The following PEMT variants were observed in gnomAD, a reference collection of about 807,000 sequenced individuals.
PEMT encodes the protein phosphatidylethanolamine N-methyltransferase.
A neutral mutation model predicts 27.4 loss-of-function variants in PEMT; 23 were observed. The ratio of observed to expected loss-of-function variants is 0.84; its 90% CI spans 0.60 to 1.19. The LOEUF (loss-of-function observed/expected upper bound fraction) is 1.19. Among genes scored for constraint, PEMT ranks in the 50% most tolerant of loss-of-function variants. The pLI is 0.00. For synonymous variants in PEMT, 137 were observed against 139.1 expected, an observed-to-expected ratio of 0.98 and a Z score of 0.11; for missense variants, 307 against 310.1, an observed-to-expected ratio of 0.99 and a Z score of 0.07.
chr17:17,562,732 C>T (rs937742422), intron 2 of PEMT, among the ~76,000 whole-genome samples: 7 of 152,134 alleles, frequency 4.6e-5, no homozygotes, highest in Non-Finnish European at 1.0e-4. Context: ...TTTCTTGAAC[C>T]TGGGAGGCAG....
In PEMT at chr17:17,558,697, AAAC is replaced by A. The variant is rs573889693; in HGVS notation, c.204+18220_204+18222del. Among the ~76,000 whole-genome samples the A allele has an allele frequency of 2.3e-3, 293 of 125,588 alleles. 10 individuals carry two copies. The highest frequency in any genetic ancestry group is 0.015 in the South Asian group (65 of 4,272). 82.4% of individuals were successfully genotyped at this position (125,588 alleles called of 152,430 possible). On this transcript the variant is annotated intron_variant, in intron 2 of 6. Transcript: ENST00000255389. ...CCAGTCTCACGAAAAAAAAAAAAAA[AAAC>A]AAAAAGAAAGGGCAGCAGAGTGGAC...
intron 1 of PEMT, among the ~76,000 whole-genome samples, chr17:17,588,641 GAA>G (rs1465021547): frequency 6.6e-6 from 1 of 152,202 alleles, no homozygotes; most frequent in Non-Finnish European, 1.5e-5. Flanking sequence ...ATTCGCTATG[GAA>G]AAGGGACCTG....
intron 1 of PEMT, among the ~76,000 whole-genome samples, chr17:17,586,292 A>AAAG (rs1567759756): frequency 0.011 from 1,192 of 106,686 alleles, 13 homozygotes; most frequent in African/African-American, 0.028. Flanking sequence ...AAGAAAGAAA[A>AAAG]AAAAAAACGC....
chr17:17,583,714 C>G (rs940811187), intron 1 of PEMT, among the ~76,000 whole-genome samples: 3 of 152,376 alleles, frequency 2.0e-5, no homozygotes, highest in South Asian at 4.1e-4. Context: ...GGCGGCCCCT[C>G]TACTCTGTCT....
Position 17,509,535 on chromosome 17 carries a change from G to C in PEMT, c.477C>G (p.Phe159Leu). 1 of 1,611,634 alleles carries C rather than the reference G, an allele frequency of 6.2e-7. No homozygotes were observed. The highest frequency in any genetic ancestry group is 1.1e-5 in the South Asian group (1 of 91,010). ...GFAGTFLGDY[F>L]GILKEARVTV... ...TCACTCTCGCCTCCTTGAGGATCCC[G>C]AAGTAATCACCTGTGGATGAGGCAA... Residue 159 changes from phenylalanine (F) to leucine (L), a missense_variant, in exon 5 of 7, where the codon TTC becomes TTG. Transcript: ENST00000255389.
intron 2 of PEMT, among the ~76,000 whole-genome samples, chr17:17,572,463 C>T (rs1328700828): frequency 3.3e-5 from 5 of 152,242 alleles, no homozygotes; most frequent in East Asian, 1.9e-4. Flanking sequence ...CCTCCGAGGA[C>T]ACTCAAGAGT....
intron 4 of PEMT, 44 bp from the exon 5 acceptor site, chr17:17,509,589 C>A (rs1366681135): frequency 7.5e-7 from 1 of 1,331,490 alleles, no homozygotes; most frequent in South Asian, 1.2e-5. Context: ...TTCATCAGCC[C>A]TGGCCACACC....
intron 2 of PEMT, among the ~76,000 whole-genome samples, chr17:17,576,131 A>G (rs958743510): frequency 6.6e-5 from 10 of 151,988 alleles, no homozygotes; most frequent in African/African-American, 2.4e-4. Flanking sequence ...GAAGCAGCCC[A>G]GAAGCACCCC....
At chr17:17,568,571 T>C in intron 2 of PEMT, among the ~76,000 whole-genome samples, 1 of 152,130 alleles carries the variant, frequency 6.6e-6, no homozygotes, top group Middle Eastern at 3.2e-3. Flanking sequence ...GAGAAACCGA[T>C]GCCCAGGAAG....
At chr17:17,587,815 G>T (rs1243440202) in intron 1 of PEMT, among the ~76,000 whole-genome samples, 3 of 152,174 alleles carry the variant, frequency 2.0e-5, no homozygotes, top group Non-Finnish European at 2.9e-5. Flanking sequence ...GGCGGAGGTT[G>T]CAATGAGCTG....
chr17:17,529,901 A>T (rs73978967), intron 2 of PEMT, among the ~76,000 whole-genome samples: 3,563 of 152,264 alleles, frequency 0.023, 116 homozygotes, highest in East Asian at 0.097. Flanking sequence ...CCCACCCTGG[A>T]GAAGGGCTCC....
At position 17,582,027 on chromosome 17, in the gene PEMT, G is replaced by C. The variant is rs1912004502; in HGVS notation, c.97-5000C>G. On this transcript the variant is annotated intron_variant, in intron 1 of 6. Coordinates refer to ENST00000255389, the MANE Select transcript of PEMT (RefSeq NM_148172.3). The surrounding 1 kb of genome is among the most constrained non-coding windows in gnomAD (Gnocchi z 4.9). Reference sequence around the variant, plus strand: ...CAAAAATCCAGGTCAGACGTGAGCAGAGTAGGAGAGTCCTGGGTCCCACAT... The same window carrying C: ...CAAAAATCCAGGTCAGACGTGAGCACAGTAGGAGAGTCCTGGGTCCCACAT... Among the ~76,000 whole-genome samples, 1 of 152,174 alleles carries C rather than the reference G, an allele frequency of 6.6e-6. No individual in the cohort carries two copies. The highest frequency in any genetic ancestry group is 2.4e-5 in the African/African-American group (1 of 41,448).
intron 1 of PEMT, among the ~76,000 whole-genome samples, chr17:17,579,261 A>G (rs937793546): frequency 1.2e-4 from 19 of 152,226 alleles, no homozygotes; most frequent in African/African-American, 4.6e-4. Flanking sequence ...CTATCAGTAT[A>G]AAGCCATCTT....
At chr17:17,531,481 C>T (rs1446902031) in intron 2 of PEMT, among the ~76,000 whole-genome samples, 1 of 151,616 alleles carries the variant, frequency 6.6e-6, no homozygotes, top group Non-Finnish European at 1.5e-5. Flanking sequence ...ACTTAGAATA[C>T]TCAAGACAAC....
At chr17:17,516,743 C>T (rs1036639108) in intron 3 of PEMT, among the ~76,000 whole-genome samples, 1 of 152,152 alleles carries the variant, frequency 6.6e-6, no homozygotes. Context: ...TGGACCCACT[C>T]TTGCCGAACT....
At chr17:17,586,666 G>T (rs577990350) in intron 1 of PEMT, among the ~76,000 whole-genome samples, 141 of 152,304 alleles carry the variant, frequency 9.3e-4, no homozygotes, top group African/African-American at 3.3e-3. Context: ...TAGTAAGGAA[G>T]AAAAGTCCCA....
At chr17:17,528,675 A>G (rs1316945479) in intron 2 of PEMT, among the ~76,000 whole-genome samples, 1 of 151,730 alleles carries the variant, frequency 6.6e-6, no homozygotes, top group Non-Finnish European at 1.5e-5. Flanking sequence ...CCCTCATCCC[A>G]CCCTGGCCCC....
At chr17:17,586,479 T>G (rs1229128850) in intron 1 of PEMT, among the ~76,000 whole-genome samples, 5 of 152,234 alleles carry the variant, frequency 3.3e-5, no homozygotes, top group South Asian at 2.1e-4. Context: ...ATACACAGTA[T>G]GCTCCCAAAC....
In PEMT at chr17:17,582,698, C is replaced by A. The variant is rs933447661; in HGVS notation, c.97-5671G>T. On this transcript the variant is annotated intron_variant, in intron 1 of 6. Coordinates refer to ENST00000255389, the MANE Select transcript of PEMT (RefSeq NM_148172.3). This position sits in a 1 kb window ranked among gnomAD's most constrained non-coding sequence, Gnocchi z 4.9. Reference sequence around the variant, plus strand: ...TGACTCGGGTAACGTTTATTTAGGGCAACTTTGGGTTAGAGCCCTGTGCCT... The same window carrying A: ...TGACTCGGGTAACGTTTATTTAGGGAAACTTTGGGTTAGAGCCCTGTGCCT... Among the ~76,000 whole-genome samples, 3 of 152,190 alleles carry A rather than the reference C, an allele frequency of 2.0e-5. No individual in the cohort carries two copies. The highest frequency in any genetic ancestry group is 7.2e-5 in the African/African-American group (3 of 41,444).
Sources: gnomAD v4.1 joint callset for allele counts (sites outside exome capture counted in the v4.1 genomes callset) on GRCh38, gnomAD v4.1.1 for gene constraint, Gnocchi (gnomAD v3.1) non-coding constraint, MANE v1.5 for transcripts, NCBI Gene and HGNC (gene_info 2026-07-23, HGNC 2026-07-21) for gene names.